The following PIAS3 variants were observed in gnomAD, a reference collection of about 807,000 sequenced individuals.
PIAS3 encodes the protein E3 SUMO-protein ligase PIAS3.
A neutral mutation model predicts 67.6 loss-of-function variants in PIAS3; 34 were observed. The observed-to-expected ratio is 0.50, with a 90% CI of 0.38 to 0.67. The LOEUF (loss-of-function observed/expected upper bound fraction) is 0.67. Ranked by LOEUF, PIAS3 falls within the 30% of genes least tolerant of loss-of-function variation. The probability of loss-of-function intolerance (pLI) is 0.00; values close to 1 mark genes in which losing one functional copy is unlikely to be tolerated. For missense variants in PIAS3, 693 were observed against 791.6 expected (o/e 0.88, Z 1.49); for synonymous variants, 341 against 313.8 (o/e 1.09, Z -0.92).
intron 5 of PIAS3, 83 bp from the exon 6 acceptor site, chr1:145,854,963 G>T: frequency 6.5e-7 from 1 of 1,530,914 alleles, no homozygotes; most frequent in Non-Finnish European, 9.0e-7. Context: ...CTTGTCTCGG[G>T]TTATTCAATC....
intron 5 of PIAS3, 45 bp from the exon 6 acceptor site, chr1:145,854,925 G>A (rs373492231): frequency 1.9e-6 from 3 of 1,608,260 alleles, no homozygotes; most frequent in Non-Finnish European, 2.6e-6. Context: ...GCTCTGGGAA[G>A]GGGCTCTGCT....
chr1:145,849,950 G>A, intron 13 of PIAS3: 2 of 1,424,802 alleles, frequency 1.4e-6, no homozygotes, highest in Non-Finnish European at 1.8e-6. Context: ...TCTGAAATGT[G>A]TGGAATGTCC....
At chr1:145,856,467 G>T (rs1177331212) in intron 2 of PIAS3, 36 bp from the exon 3 acceptor site, 1 of 1,604,512 alleles carries the variant, frequency 6.2e-7, no homozygotes. Flanking sequence ...CCAAGCCCAT[G>T]CACAGGCAGC....
At position 145,849,409 on chromosome 1, in the gene PIAS3, T is replaced by C; in HGVS notation, c.*37A>G. 1 of 1,472,938 alleles carries C rather than the reference T, an allele frequency of 6.8e-7. No individual in the cohort carries two copies. Among genetic ancestry groups the C allele is most frequent in the Non-Finnish European group, 8.9e-7 (1 of 1,118,994 alleles). The allele number at this position is 1,472,938 out of a possible 1,614,324, so 91.2% of individuals were successfully genotyped here. On this transcript the variant is annotated 3_prime_UTR_variant, in exon 14 of 14. Coordinates refer to ENST00000393045, the MANE Select transcript of PIAS3 (RefSeq NM_006099.3). ...GGGACTCCACAGCATACTTGCTCAG[T>C]GTTGGGGGACAGCGAAGTTTCCATA...
Position 145,850,285 on chromosome 1 carries a change from A to C in PIAS3, c.1583-16T>G. On this transcript the variant is annotated splice_polypyrimidine_tract_variant and intron_variant, in intron 12 of 13. Transcript: ENST00000393045. ...AAATCTAAACCTGGCAGGAAAAGAA[A>C]AATCAAAATTAACCTCCTATCTGAC... is the stretch of plus-strand genomic sequence containing the variant. The C allele has an allele frequency of 6.2e-7, 1 of 1,614,222 alleles. No homozygotes were observed. Among genetic ancestry groups the C allele is most frequent in the Non-Finnish European group, 8.5e-7 (1 of 1,180,032 alleles).
At chr1:145,854,989 A>T (rs1412028175) in intron 5 of PIAS3, 109 bp from the exon 6 acceptor site, 10 of 1,334,638 alleles carry the variant, frequency 7.5e-6, no homozygotes, top group Middle Eastern at 2.6e-4. Flanking sequence ...AGGGAAGGCC[A>T]ACTCGCTCAC....
intron 9 of PIAS3, 133 bp from the exon 10 acceptor site, chr1:145,851,286 C>G: frequency 2.3e-6 from 2 of 873,258 alleles, no homozygotes; most frequent in South Asian, 3.2e-5. Flanking sequence ...CCTACTGGAC[C>G]GCTCTGAGTT....
chr1:145,849,969 C>T, intron 13 of PIAS3: 1 of 1,425,940 alleles, frequency 7.0e-7, no homozygotes, highest in Non-Finnish European at 9.1e-7. Context: ...CCGGTTAGAG[C>T]AGGCATGGTG....
Position 145,853,528 on chromosome 1 carries a change from G to C in PIAS3, c.1121C>G (p.Pro374Arg). 1 of 1,612,906 alleles carries C rather than the reference G, an allele frequency of 6.2e-7. No homozygotes were observed. The highest frequency in any genetic ancestry group is 8.5e-7 in the Non-Finnish European group (1 of 1,179,512). Reference sequence around the variant, plus strand: ...CCCATCAATGATAAGAGATTCATAGGGAGCCTTCTTGTCACACACAGGACA... The same window carrying C: ...CCCATCAATGATAAGAGATTCATAGCGAGCCTTCTTGTCACACACAGGACA... ...WTCPVCDKKA[P>R]YESLIIDGLF... Residue 374 changes from proline to arginine, a missense_variant, in exon 9 of 14, where the codon CCC (proline) becomes CGC (arginine). Physicochemically the swap from Pro to Arg is moderately radical, Grantham distance 103. Transcript: ENST00000393045.
chr1:145,848,763 A>C lies in PIAS3; in HGVS notation c.*683T>G, dbSNP rs1272074977. On this transcript the variant is annotated 3_prime_UTR_variant, in exon 14 of 14. Transcript: ENST00000393045. ...TGTGAACTTAGATATATAAATAGAG[A>C]GAGACCCAAGCAATAGGCCGGGCCT... The C allele has an allele frequency of 9.3e-6, 3 of 323,266 alleles. No individual in the cohort carries two copies. Among genetic ancestry groups the C allele is most frequent in the Non-Finnish European group, 1.7e-5 (3 of 176,108 alleles). The allele number at this position is 323,266 out of a possible 1,614,324, so 20.0% of individuals were successfully genotyped here.
chr1:145,850,628 T>A, intron 11 of PIAS3, 42 bp from the exon 12 acceptor site: 1 of 1,608,056 alleles, frequency 6.2e-7, no homozygotes, highest in East Asian at 2.2e-5. Context: ...AAACCACAGA[T>A]GCCCTCACCC....
intron 5 of PIAS3, 71 bp downstream of exon 5, chr1:145,855,665 T>C: frequency 2.4e-6 from 2 of 830,914 alleles, no homozygotes; most frequent in Non-Finnish European, 4.0e-6. Context: ...TCTTTCAGAA[T>C]AGGTTTGTAG....
rs782501920 is a variant in PIAS3 at position 145,853,515 on chromosome 1, A to G, written c.1134T>C (p.Leu378=). The part of the protein sequence containing the change: ...VCDKKAPYES[L]IIDGLFMEIL... The stretch of plus-strand genomic sequence containing the variant: ...CAAAATGGCCCTACCCATCAATGAT[A>G]AGAGATTCATAGGGAGCCTTCTTGT... The change falls in exon 9 of 14, where the codon CTT becomes CTC. Residue 378 remains leucine (L), a synonymous_variant. Transcript: ENST00000393045. 1 of 1,610,302 alleles carries G rather than the reference A, an allele frequency of 6.2e-7. No homozygotes were observed. The highest frequency in any genetic ancestry group is 1.1e-5 in the South Asian group (1 of 90,224).
chr1:145,856,063 C>T lies in PIAS3; in HGVS notation c.578+5G>A. ...ACCCAGGATAGGCAGGGAGGATGAA[C>T]TCACCTTAGCTGCACCTGTATGGTA... On this transcript the variant is annotated splice_donor_5th_base_variant and intron_variant, in intron 4 of 13. Transcript: ENST00000393045. 6.2e-7 allele frequency: 1 copy of T among 1,613,106 alleles called. No individual in the cohort carries two copies. The highest frequency in any genetic ancestry group is 1.1e-5 in the South Asian group (1 of 91,050).
At chr1:145,857,796 G>A (rs1553735921) in intron 1 of PIAS3, among the ~76,000 whole-genome samples, 1 of 152,164 alleles carries the variant, frequency 6.6e-6, no homozygotes, top group East Asian at 1.9e-4. Flanking sequence ...CCATAATCTG[G>A]CATCTCTCCT....
At chr1:145,853,985 C>A in intron 7 of PIAS3, 99 bp from the exon 8 acceptor site, 1 of 997,332 alleles carries the variant, frequency 1.0e-6, no homozygotes, top group Non-Finnish European at 1.6e-6. Context: ...TGAGAGGCTG[C>A]TGGGTGGAGC....
chr1:145,854,905 T>C, intron 5 of PIAS3, 25 bp from the exon 6 acceptor site: 1 of 1,612,890 alleles, frequency 6.2e-7, no homozygotes, highest in Non-Finnish European at 8.5e-7. Flanking sequence ...GATTGGTCAG[T>C]GGAGAAGTGG....
rs1175201513 is a variant in PIAS3 at position 145,849,179 on chromosome 1, C to G, written c.*267G>C. The G allele has an allele frequency of 6.4e-6, 2 of 312,092 alleles. No individual in the cohort carries two copies. The highest frequency in any genetic ancestry group is 1.0e-4 in the East Asian group (2 of 19,854). The allele number at this position is 312,092 out of a possible 1,614,324, so 19.3% of individuals were successfully genotyped here. ...CACATACCATCCCATTTGCCTCCCA[C>G]TGCCTAGGTTAACATACCCAAAGGA... On this transcript the variant is annotated 3_prime_UTR_variant, in exon 14 of 14. Transcript: ENST00000393045.
intron 7 of PIAS3, 61 bp from the exon 8 acceptor site, chr1:145,853,947 G>A: frequency 6.9e-7 from 1 of 1,455,548 alleles, no homozygotes. Context: ...CCCAGGAGTT[G>A]GTAAGGCCAG....
Sources: gnomAD v4.1 joint callset for allele counts (sites outside exome capture counted in the v4.1 genomes callset) on GRCh38, gnomAD v4.1.1 for gene constraint, MANE v1.5 for transcripts, NCBI Gene and HGNC (gene_info 2026-07-23, HGNC 2026-07-21) for gene names.